The following SLC8A3 variants were observed in gnomAD, a reference collection of about 807,000 sequenced individuals.
SLC8A3 encodes the protein solute carrier family 8 member A3.
A neutral mutation model predicts 65.4 loss-of-function variants in SLC8A3; 37 were observed. The ratio of observed to expected loss-of-function variants is 0.57; its 90% confidence interval spans 0.44 to 0.74. SLC8A3 has a LOEUF of 0.74. Among genes scored for constraint, SLC8A3 ranks in the 30% least tolerant of loss-of-function variants. SLC8A3 has a pLI of 0.00. For synonymous variants in SLC8A3, 461 were observed against 444.5 expected, an observed-to-expected ratio of 1.04 and a Z score of -0.47; for missense variants, 1,112 against 1,172.1, an observed-to-expected ratio of 0.95 and a Z score of 0.75.
intron 2 of SLC8A3, chr14:70,080,138 G>A (rs1343673150): frequency 2.0e-6 from 2 of 985,398 alleles, no homozygotes; most frequent in Admixed American, 1.2e-4. Flanking sequence ...CTGGCTGCCA[G>A]TTATCGTCTG....
rs200072531 is a variant in SLC8A3 at position 70,066,853 on chromosome 14, A to T, written c.1785-5914T>A. Among the ~76,000 whole-genome samples, 33 of 151,532 alleles carry T rather than the reference A, an allele frequency of 2.2e-4. 1 individual carries two copies. The East Asian group carries it at 6.0e-3, about 28-fold the overall frequency. On this transcript the variant is annotated intron_variant, in intron 2 of 6. Coordinates refer to ENST00000356921, the MANE Select transcript of SLC8A3 (RefSeq NM_182932.3). The stretch of plus-strand genomic sequence containing the variant: ...ACAACAACAACAACAAAACACCATC[A>T]CCTCTCCCTTGGGCTTTGCAGTAGC...
At chr14:70,103,520 A>T (rs1310017453) in intron 2 of SLC8A3, among the ~76,000 whole-genome samples, 1 of 152,044 alleles carries the variant, frequency 6.6e-6, no homozygotes, top group African/African-American at 2.4e-5. Flanking sequence ...AAAGAATGGG[A>T]GTGTAAAGGG....
At chr14:70,174,682 T>G (rs1206313002) in intron 1 of SLC8A3, among the ~76,000 whole-genome samples, 2 of 132,072 alleles carry the variant, frequency 1.5e-5, no homozygotes, top group African/African-American at 2.7e-5. Flanking sequence ...TTTTTTTTTT[T>G]TTTTTTTTGC....
chr14:70,046,478 C>T lies in SLC8A3; in HGVS notation c.2390-155G>A, dbSNP rs1235607953. 1 of 700,074 alleles carries T rather than the reference C, an allele frequency of 1.4e-6. No homozygotes were observed. Among genetic ancestry groups the T allele is most frequent in the East Asian group, 2.7e-5 (1 of 36,662 alleles). 43.4% of individuals were successfully genotyped at this position (700,074 alleles called of 1,614,324 possible). A position where few individuals can be genotyped will look rare whatever the true frequency, so the allele number is the denominator to read the frequency against. On this transcript the variant is annotated intron_variant, in intron 6 of 6. Transcript: ENST00000356921. The surrounding 1 kb of genome is among the most constrained non-coding windows in gnomAD (Gnocchi z 4.2). ...CCACTCCTAACTCCTAGTTCTGCCGCAAGCAAGCCGTGTGGCCCTGGGTAG... is the reference window on the plus strand; with the variant it reads ...CCACTCCTAACTCCTAGTTCTGCCGTAAGCAAGCCGTGTGGCCCTGGGTAG...
At chr14:70,051,749 CT>C (rs1416796858) in intron 4 of SLC8A3, among the ~76,000 whole-genome samples, 4 of 152,152 alleles carry the variant, frequency 2.6e-5, no homozygotes, top group African/African-American at 9.7e-5. Flanking sequence ...CATCTCAGGA[CT>C]TTCTAGTCCA....
chr14:70,086,394 CTTTTTTCT>C (rs1406505650), intron 2 of SLC8A3, among the ~76,000 whole-genome samples: 2 of 116,834 alleles, frequency 1.7e-5, no homozygotes, highest in South Asian at 3.7e-4. Flanking sequence ...TTTTCTTTTT[CTTTTTTCT>C]TTTTTTTTTT....
chr14:70,112,267 A>G (rs1202086890), intron 2 of SLC8A3, among the ~76,000 whole-genome samples: 4 of 152,220 alleles, frequency 2.6e-5, no homozygotes, highest in Non-Finnish European at 5.9e-5. Flanking sequence ...CTTCCCTCAG[A>G]CACAGGAAGG....
At position 70,162,646 on chromosome 14, in the gene SLC8A3, G is replaced by T. The variant is rs115140066; in HGVS notation, c.1784+3993C>A. ...CCTGGGATATAGGAGCCAGTCACTT[G>T]TTTAATGAGTGAAATTAGTGTGCGG... On this transcript the variant is annotated intron_variant, in intron 2 of 6. Transcript: ENST00000356921. Among the ~76,000 whole-genome samples, 682 of 152,292 alleles carry T rather than the reference G, an allele frequency of 4.5e-3. 7 individuals are homozygous for T. Among genetic ancestry groups the T allele is most frequent in the African/African-American group, 0.016 (650 of 41,540 alleles).
At chr14:70,094,999 G>A (rs1346651551) in intron 2 of SLC8A3, among the ~76,000 whole-genome samples, 1 of 152,178 alleles carries the variant, frequency 6.6e-6, no homozygotes, top group Non-Finnish European at 1.5e-5. Context: ...CCTGGCTCAG[G>A]TGCATAACCT....
intron 1 of SLC8A3, among the ~76,000 whole-genome samples, chr14:70,175,076 C>T (rs1897819173): frequency 6.6e-6 from 1 of 152,140 alleles, no homozygotes; most frequent in Admixed American, 6.5e-5. Context: ...TCATGAAACC[C>T]TGCTGACACT....
intron 2 of SLC8A3, chr14:70,063,727 G>A (rs1889078178): frequency 9.9e-6 from 7 of 706,556 alleles, no homozygotes; most frequent in Admixed American, 2.2e-5. Flanking sequence ...CAGAGAGGTG[G>A]AAGACAAGAG....
intron 2 of SLC8A3, among the ~76,000 whole-genome samples, chr14:70,061,720 G>T (rs1888825659): frequency 6.6e-6 from 1 of 152,102 alleles, no homozygotes; most frequent in African/African-American, 2.4e-5. Flanking sequence ...ATGCATTTCT[G>T]GGAAAATGTG....
chr14:70,177,134 AT>A (rs748300890), intron 1 of SLC8A3, among the ~76,000 whole-genome samples: 75 of 152,366 alleles, frequency 4.9e-4, no homozygotes, highest in Admixed American at 2.0e-4. Context: ...TTTATCTGAT[AT>A]TTCTGTATGC....
At position 70,136,348 on chromosome 14, in the gene SLC8A3, G is replaced by A. The variant is rs900869886; in HGVS notation, c.1784+30291C>T. On this transcript the variant is annotated intron_variant, in intron 2 of 6. Coordinates refer to ENST00000356921, the MANE Select transcript of SLC8A3 (RefSeq NM_182932.3). Reference sequence around the variant, plus strand: ...AGGCAATACATTTTTGTTGTTTTACGCCACCCAGTATGTGGAGCTTTGTTA... The same window carrying A: ...AGGCAATACATTTTTGTTGTTTTACACCACCCAGTATGTGGAGCTTTGTTA... 5.3e-5 allele frequency among the ~76,000 whole-genome samples: 8 copies of A among 152,136 alleles called. No individual in the cohort carries two copies. In the South Asian group the frequency reaches 1.0e-3, roughly 20 times the overall value.
intron 1 of SLC8A3, among the ~76,000 whole-genome samples, chr14:70,187,966 G>A (rs1000737412): frequency 1.3e-5 from 2 of 152,116 alleles, no homozygotes; most frequent in African/African-American, 4.8e-5. Flanking sequence ...CCCTGGCCCA[G>A]GTGGCACACA....
At chr14:70,079,673 G>A (rs1890869010) in intron 2 of SLC8A3, among the ~76,000 whole-genome samples, 1 of 151,992 alleles carries the variant, frequency 6.6e-6, no homozygotes, top group African/African-American at 2.4e-5. Flanking sequence ...CCTGGGAAAT[G>A]CAGCCTTGCC....
intron 2 of SLC8A3, among the ~76,000 whole-genome samples, chr14:70,122,155 G>T (rs936026260): frequency 3.3e-5 from 5 of 152,184 alleles, no homozygotes; most frequent in African/African-American, 1.2e-4. Flanking sequence ...AAAACTGGGG[G>T]ACGAGGGGCG....
At position 70,168,478 on chromosome 14, in the gene SLC8A3, C is replaced by A; in HGVS notation, c.-56G>T. The stretch of plus-strand genomic sequence containing the variant: ...AGCACCAGTTGTCCTCCTGATAGGC[C>A]AGAGACCTAGAAAAGATCAGAGAGG... On this transcript the variant is annotated 5_prime_UTR_variant, in exon 2 of 7. Transcript: ENST00000356921. 1 of 1,419,950 alleles carries A rather than the reference C, an allele frequency of 7.0e-7. No homozygotes were observed. The highest frequency in any genetic ancestry group is 1.3e-5 in the South Asian group (1 of 76,844). The allele number at this position is 1,419,950 out of a possible 1,614,324, so 88.0% of individuals were successfully genotyped here.
chr14:70,110,806 G>A (rs1429366195), intron 2 of SLC8A3, among the ~76,000 whole-genome samples: 11 of 150,992 alleles, frequency 7.3e-5, no homozygotes, highest in South Asian at 6.3e-4. Flanking sequence ...TCAGCCTTCC[G>A]AGTAGCTGGA....
Sources: gnomAD v4.1 joint callset for allele counts (sites outside exome capture counted in the v4.1 genomes callset) on GRCh38, gnomAD v4.1.1 for gene constraint, Gnocchi (gnomAD v3.1) non-coding constraint, MANE v1.5 for transcripts, NCBI Gene and HGNC (gene_info 2026-07-23, HGNC 2026-07-21) for gene names.